Variants in EBF3 observed in about 807,000 individuals in gnomAD.
EBF3 encodes transcription factor COE3.
A neutral mutation model predicts 77.1 loss-of-function variants in EBF3; 18 were observed. The ratio of observed to expected loss-of-function variants is 0.23; its 90% CI spans 0.16 to 0.35. The LOEUF is 0.35. Among genes scored for constraint, EBF3 ranks in the 10% least tolerant of loss-of-function variants. The probability of loss-of-function intolerance (pLI) is 1.00; values close to 1 mark genes in which losing one functional copy is unlikely to be tolerated. For synonymous variants in EBF3, 350 were observed against 343.5 expected (o/e 1.02, Z -0.21); for missense variants, 558 against 860.0 (o/e 0.65, Z 4.39).
rs1309230379 is a variant in EBF3, at chr10:129,964,164, G to C, written c.-396C>G. ...CCTGCTCCAAAGACAAATAAACGGG[G>C]CAGTGAGTGCTGCGGCGCAGTCCCG... On this transcript the variant is annotated 5_prime_UTR_variant, in exon 1 of 17. Coordinates refer to ENST00000440978, the MANE Select transcript of EBF3 (RefSeq NM_001375380.1). The surrounding 1 kb of genome is among the most constrained non-coding windows in gnomAD (Gnocchi z 4.5). 3 of 984,870 alleles carry C rather than the reference G, an allele frequency of 3.0e-6. No individual in the cohort carries two copies. Among genetic ancestry groups the C allele is most frequent in the Non-Finnish European group, 1.2e-6 (1 of 829,808 alleles). The allele number at this position is 984,870 out of a possible 1,614,324, so 61.0% of individuals were successfully genotyped here.
At chr10:129,949,877 G>A (rs757651660) in intron 6 of EBF3, among the ~76,000 whole-genome samples, 5 of 152,054 alleles carry the variant, frequency 3.3e-5, no homozygotes, top group African/African-American at 4.8e-5. Flanking sequence ...ATCATCACAA[G>A]GGCAAATGCT....
Position 129,963,545 on chromosome 10 carries a change from G to C in EBF3, c.135-22C>G. ...GCCGCTGCGGGAGGAAAGAGACAGC[G>C]GCCCGGTGAGGAGCGCGGCGCCGGC... On this transcript the variant is annotated intron_variant, in intron 1 of 16. Transcript: ENST00000440978. The surrounding 1 kb of genome is among the most constrained non-coding windows in gnomAD (Gnocchi z 7.1). The C allele has an allele frequency of 1.4e-6, 2 of 1,472,706 alleles. No individual in the cohort carries two copies. The highest frequency in any genetic ancestry group is 2.6e-5 in the South Asian group (2 of 78,160). 91.2% of individuals were successfully genotyped at this position (1,472,706 alleles called of 1,614,324 possible). A position where few individuals can be genotyped will look rare whatever the true frequency, so the allele number is the denominator to read the frequency against.
intron 6 of EBF3, among the ~76,000 whole-genome samples, chr10:129,913,910 T>C (rs1361080567): frequency 6.6e-6 from 1 of 152,270 alleles, no homozygotes; most frequent in African/African-American, 2.4e-5. Context: ...ATATCCTTCA[T>C]TCACTCATCT....
intron 6 of EBF3, among the ~76,000 whole-genome samples, chr10:129,910,440 A>G (rs920468916): frequency 4.6e-5 from 7 of 152,198 alleles, no homozygotes; most frequent in African/African-American, 1.4e-4. Context: ...ACCTGTATAT[A>G]TATTCACAAA....
intron 6 of EBF3, among the ~76,000 whole-genome samples, chr10:129,927,629 C>T (rs515322): frequency 0.013 from 1,978 of 152,282 alleles, 45 homozygotes; most frequent in African/African-American, 0.045. Context: ...CACCCTGAAC[C>T]CATGCCTCTG....
In EBF3 at chr10:129,943,152, G is replaced by C. The variant is rs541040957; in HGVS notation, c.554+14106C>G. Among the ~76,000 whole-genome samples the C allele has an allele frequency of 9.8e-5, 15 of 152,292 alleles. No homozygotes were observed. The highest frequency in any genetic ancestry group is 2.0e-4 in the Admixed American group (3 of 15,298). On this transcript the variant is annotated intron_variant, in intron 6 of 16. Coordinates refer to ENST00000440978, the MANE Select transcript of EBF3 (RefSeq NM_001375380.1). This position sits in a 1 kb window ranked among gnomAD's most constrained non-coding sequence, Gnocchi z 8.8. Reference sequence around the variant, plus strand: ...CAACAACTTCCTCCACATAAACAAGGCCCGCCAGAGCCAGAGAGCTGCCAG... The same window carrying C: ...CAACAACTTCCTCCACATAAACAAGCCCCGCCAGAGCCAGAGAGCTGCCAG...
Position 129,885,734 on chromosome 10 carries a change from A to G in EBF3, c.555-7885T>C, listed in dbSNP as rs1015243958. 2.6e-5 allele frequency among the ~76,000 whole-genome samples: 4 copies of G among 152,060 alleles called. No homozygotes were observed. The highest frequency in any genetic ancestry group is 1.3e-4 in the Admixed American group (2 of 15,280). Reference sequence around the variant, plus strand: ...CCTCTCTCCCTCTGGACACTGTTCTATTTGCCAGCTCTGATCACGAAGCTC... The same window carrying G: ...CCTCTCTCCCTCTGGACACTGTTCTGTTTGCCAGCTCTGATCACGAAGCTC... On this transcript the variant is annotated intron_variant, in intron 6 of 16. Transcript: ENST00000440978. The surrounding 1 kb of genome is among the most constrained non-coding windows in gnomAD (Gnocchi z 4.0).
intron 7 of EBF3, among the ~76,000 whole-genome samples, chr10:129,876,856 T>C (rs1320753123): frequency 7.0e-6 from 1 of 142,492 alleles, no homozygotes; most frequent in Non-Finnish European, 1.5e-5. Context: ...ATCATAATGG[T>C]ACATAAATCT....
chr10:129,950,432 A>ATAGTT (rs1289925369), intron 6 of EBF3, among the ~76,000 whole-genome samples: 2 of 152,154 alleles, frequency 1.3e-5, no homozygotes, highest in Non-Finnish European at 2.9e-5. Context: ...GTGATTCAAA[A>ATAGTT]ACAACTAAAA....
At chr10:129,925,094 GTGT>G (rs1856576861) in intron 6 of EBF3, among the ~76,000 whole-genome samples, 1 of 152,070 alleles carries the variant, frequency 6.6e-6, no homozygotes, top group South Asian at 2.1e-4. Context: ...GCGTGTGTGT[GTGT>G]GTGTGTGCGT....
chr10:129,937,164 G>A (rs942080233), intron 6 of EBF3, among the ~76,000 whole-genome samples: 1 of 152,180 alleles, frequency 6.6e-6, no homozygotes. Flanking sequence ...AGATCCCTGA[G>A]TCTACAACTG....
At chr10:129,887,995 G>T (rs894086851) in intron 6 of EBF3, among the ~76,000 whole-genome samples, 2 of 152,322 alleles carry the variant, frequency 1.3e-5, no homozygotes, top group African/African-American at 2.4e-5. Flanking sequence ...CGGCCTCGTG[G>T]TTTGCTTATT....
At chr10:129,950,122 G>C (rs983908620) in intron 6 of EBF3, among the ~76,000 whole-genome samples, 5 of 152,046 alleles carry the variant, frequency 3.3e-5, no homozygotes, top group East Asian at 1.9e-4. Context: ...AGGCAGCTCC[G>C]TCTTCCAGCA....
intron 6 of EBF3, among the ~76,000 whole-genome samples, chr10:129,936,446 G>A (rs1202796472): frequency 2.6e-5 from 4 of 152,234 alleles, no homozygotes; most frequent in Admixed American, 6.5e-5. Flanking sequence ...GGATGGGAGA[G>A]GCCCACGGGA....
chr10:129,900,042 G>A (rs1270618278), intron 6 of EBF3, among the ~76,000 whole-genome samples: 1 of 152,214 alleles, frequency 6.6e-6, no homozygotes, highest in East Asian at 1.9e-4. Flanking sequence ...AGATTTAGCT[G>A]TGTTTGAGAG....
chr10:129,843,379 A>C, intron 11 of EBF3, 177 bp from the exon 12 acceptor site: 1 of 582,396 alleles, frequency 1.7e-6, no homozygotes, highest in Non-Finnish European at 3.0e-6. Flanking sequence ...CGTGCTGACA[A>C]CACTGTTTGT....
chr10:129,847,041 A>AGGG (rs1485153192), intron 11 of EBF3, among the ~76,000 whole-genome samples: 1 of 152,086 alleles, frequency 6.6e-6, no homozygotes, highest in Non-Finnish European at 1.5e-5. Context: ...CTCACCAATG[A>AGGG]GGGCCCTGGC....
At chr10:129,914,985 C>T (rs1162211191) in intron 6 of EBF3, among the ~76,000 whole-genome samples, 2 of 152,204 alleles carry the variant, frequency 1.3e-5, no homozygotes, top group African/African-American at 4.8e-5. Context: ...CTTTGCATGG[C>T]TGTGGGACAG....
intron 6 of EBF3, among the ~76,000 whole-genome samples, chr10:129,950,944 G>A (rs111544861): frequency 8.5e-5 from 13 of 152,208 alleles, no homozygotes; most frequent in African/African-American, 2.9e-4. Flanking sequence ...CTTCCTGTCT[G>A]CAATGACAAT....
Sources: allele counts gnomAD v4.1 joint callset (sites outside exome capture counted in the v4.1 genomes callset), GRCh38; gene constraint gnomAD v4.1.1; non-coding constraint Gnocchi (gnomAD v3.1); transcripts MANE v1.5; gene names NCBI Gene and HGNC (gene_info 2026-07-23, HGNC 2026-07-21).